Variants in JAZF1 observed in about 807,000 individuals in gnomAD.
The protein encoded by JAZF1 is JAZF zinc finger 1.
Under a neutral mutation model 26.4 loss-of-function variants are expected in JAZF1, and 8 were observed. That is an observed-to-expected ratio of 0.30 (90% CI 0.18 to 0.55). The LOEUF (loss-of-function observed/expected upper bound fraction) is 0.55. Among genes scored for constraint, JAZF1 ranks in the 20% least tolerant of loss-of-function variants. JAZF1 has a pLI of 0.94. For missense variants in JAZF1, 199 were observed against 322.0 expected, an observed-to-expected ratio of 0.62 and a Z score of 2.92; for synonymous variants, 126 against 122.3, an observed-to-expected ratio of 1.03 and a Z score of -0.20.
intron 3 of JAZF1, among the ~76,000 whole-genome samples, chr7:27,853,478 G>A (rs1783189180): frequency 6.6e-6 from 1 of 152,156 alleles, no homozygotes; most frequent in Non-Finnish European, 1.5e-5. Flanking sequence ...ACGGGAGGGT[G>A]TCCTGTCCAG....
intron 1 of JAZF1, among the ~76,000 whole-genome samples, chr7:28,087,174 T>C (rs74452453): frequency 0.057 from 8,635 of 152,262 alleles, 800 homozygotes; most frequent in African/African-American, 0.2. Flanking sequence ...AAAGTAATTA[T>C]GTAACAGCTG....
At chr7:28,148,323 G>A (rs1054404209) in intron 1 of JAZF1, among the ~76,000 whole-genome samples, 2 of 152,030 alleles carry the variant, frequency 1.3e-5, no homozygotes, top group African/African-American at 4.8e-5. Context: ...CATCCACCTC[G>A]GCCTCCCAAA....
rs1381090060 is a variant in JAZF1, at chr7:27,982,502, T to C, written c.188+9407A>G. On this transcript the variant is annotated intron_variant, in intron 2 of 4. Coordinates refer to ENST00000283928, the MANE Select transcript of JAZF1 (RefSeq NM_175061.4). The stretch of plus-strand genomic sequence containing the variant: ...CACAGCTCAAGGAGGTCCGCCTGCC[T>C]CTGTAGACTCCAACTCTGGGGACAG... 9.9e-5 allele frequency among the ~76,000 whole-genome samples: 15 copies of C among 152,148 alleles called. 1 individual carries two copies. Among genetic ancestry groups the C allele is most frequent in the Admixed American group, 9.8e-4 (15 of 15,278 alleles).
intron 1 of JAZF1, among the ~76,000 whole-genome samples, chr7:28,131,306 T>C (rs921426618): frequency 1.3e-5 from 2 of 149,252 alleles, no homozygotes; most frequent in East Asian, 3.9e-4. Context: ...GAGTGTTCTC[T>C]ATCACTTAAA....
chr7:28,022,381 C>T lies in JAZF1; in HGVS notation c.116-30400G>A, dbSNP rs146469443. 3.0e-3 allele frequency among the ~76,000 whole-genome samples: 450 copies of T among 152,242 alleles called. 2 individuals are homozygous for T. Among genetic ancestry groups the T allele is most frequent in the African/African-American group, 0.01 (417 of 41,520 alleles). ...GCAGTTGGCACCACCTTTTCCTGAC[C>T]GTTCTAACAAATGGATAAACTTTGC... is the stretch of plus-strand genomic sequence containing the variant. On this transcript the variant is annotated intron_variant, in intron 1 of 4. Transcript: ENST00000283928.
intron 2 of JAZF1, among the ~76,000 whole-genome samples, chr7:27,920,977 T>C (rs1276330242): frequency 6.6e-6 from 1 of 152,228 alleles, no homozygotes; most frequent in African/African-American, 2.4e-5. Flanking sequence ...CAAAAATATA[T>C]TTTATTTACT....
intron 2 of JAZF1, among the ~76,000 whole-genome samples, chr7:27,936,300 G>C (rs67152137): frequency 0.29 from 44,408 of 151,966 alleles, 7,739 homozygotes; most frequent in East Asian, 0.87. Context: ...CTGGTGACCA[G>C]AAGTACCACC....
intron 1 of JAZF1, among the ~76,000 whole-genome samples, chr7:28,038,326 T>G (rs959703412): frequency 1.3e-5 from 2 of 152,180 alleles, no homozygotes; most frequent in South Asian, 4.1e-4. Context: ...GCATAACTAG[T>G]AGATATAAGC....
chr7:27,907,969 T>C (rs1213444530), intron 2 of JAZF1, among the ~76,000 whole-genome samples: 1 of 152,190 alleles, frequency 6.6e-6, no homozygotes, highest in Non-Finnish European at 1.5e-5. Context: ...ATCGTGGACT[T>C]ACACATTTTC....
In JAZF1 at chr7:27,832,199, T is replaced by C. The variant is rs1449644338; in HGVS notation, c.*601A>G. On this transcript the variant is annotated 3_prime_UTR_variant, in exon 5 of 5. Transcript: ENST00000283928. ...AAGGGCAAAAGGATTTGCAAGATAA[T>C]ATAAAACACAGAAAGCACACCTTTA... is the stretch of plus-strand genomic sequence containing the variant. 9.4e-6 allele frequency: 2 copies of C among 211,892 alleles called. No homozygotes were observed. Among genetic ancestry groups the C allele is most frequent in the Middle Eastern group, 1.5e-3 (1 of 672 alleles). 13.1% of individuals were successfully genotyped at this position (211,892 alleles called of 1,614,324 possible).
intron 1 of JAZF1, among the ~76,000 whole-genome samples, chr7:28,175,383 T>C (rs1783533588): frequency 2.0e-5 from 3 of 152,234 alleles, no homozygotes; most frequent in South Asian, 4.2e-4. Context: ...ACTCTGACAG[T>C]AGGATTACAT....
chr7:28,036,890 C>T (rs1198813587), intron 1 of JAZF1, among the ~76,000 whole-genome samples: 3 of 152,176 alleles, frequency 2.0e-5, no homozygotes, highest in African/African-American at 7.2e-5. Context: ...TAACCAGCAA[C>T]CCTCACGGCA....
chr7:27,921,685 T>A (rs1339861093), intron 2 of JAZF1, among the ~76,000 whole-genome samples: 1 of 152,146 alleles, frequency 6.6e-6, no homozygotes, highest in Non-Finnish European at 1.5e-5. Context: ...ATCATCATCG[T>A]AATTCTTAAA....
intron 2 of JAZF1, among the ~76,000 whole-genome samples, chr7:27,910,148 T>A (rs1036471874): frequency 1.3e-5 from 2 of 152,222 alleles, no homozygotes; most frequent in African/African-American, 2.4e-5. Flanking sequence ...TCTGTTATAA[T>A]GTCAAATGGT....
chr7:27,907,279 A>G (rs1398231202), intron 2 of JAZF1, among the ~76,000 whole-genome samples: 1 of 152,224 alleles, frequency 6.6e-6, no homozygotes, highest in Non-Finnish European at 1.5e-5. Context: ...GGATAAATGC[A>G]TGAAAAGCCC....
At chr7:27,961,429 G>A (rs900790743) in intron 2 of JAZF1, among the ~76,000 whole-genome samples, 1 of 152,228 alleles carries the variant, frequency 6.6e-6, no homozygotes, top group Admixed American at 6.5e-5. Flanking sequence ...GCCCAAGGCT[G>A]GTGTGTGGGT....
chr7:28,124,778 T>C (rs929426063), intron 1 of JAZF1, among the ~76,000 whole-genome samples: 11 of 152,200 alleles, frequency 7.2e-5, no homozygotes, highest in African/African-American at 2.7e-4. Context: ...CAGATGTGAA[T>C]AGGAACTAAT....
intron 3 of JAZF1, chr7:27,846,392 C>A: frequency 2.4e-6 from 1 of 419,680 alleles, no homozygotes. Context: ...CGTATATATA[C>A]ATATACGTAT....
chr7:27,974,603 T>G (rs1785435780), intron 2 of JAZF1, among the ~76,000 whole-genome samples: 1 of 152,172 alleles, frequency 6.6e-6, no homozygotes, highest in Non-Finnish European at 1.5e-5. Flanking sequence ...TATACTTTTA[T>G]GTAGGAATTC....
Sources: allele counts gnomAD v4.1 joint callset (sites outside exome capture counted in the v4.1 genomes callset), GRCh38; gene constraint gnomAD v4.1.1; transcripts MANE v1.5; gene names NCBI Gene and HGNC (gene_info 2026-07-23, HGNC 2026-07-21).